Variants in GPBP1 observed in about 807,000 individuals in gnomAD.
GPBP1 encodes the protein GC-rich promoter binding protein 1.
A neutral mutation model predicts 56.5 loss-of-function variants in GPBP1; 13 were observed. The ratio of observed to expected loss-of-function variants is 0.23; its 90% CI spans 0.15 to 0.37. GPBP1 has a LOEUF of 0.37. Among genes scored for constraint, GPBP1 ranks in the 10% least tolerant of loss-of-function variants. The pLI, the probability that GPBP1 is intolerant of heterozygous loss-of-function variation, is 1.00. For missense variants in GPBP1, 477 were observed against 572.3 expected, an observed-to-expected ratio of 0.83 and a Z score of 1.70; for synonymous variants, 204 against 188.9, an observed-to-expected ratio of 1.08 and a Z score of -0.66.
intron 3 of GPBP1, among the ~76,000 whole-genome samples, chr5:57,219,531 A>G (rs1428987580): frequency 6.6e-6 from 1 of 151,836 alleles, no homozygotes; most frequent in African/African-American, 2.4e-5. Context: ...AGCCACTGAA[A>G]TCAATTCTTG....
At chr5:57,196,653 A>G (rs930003812) in intron 2 of GPBP1, among the ~76,000 whole-genome samples, 2 of 151,932 alleles carry the variant, frequency 1.3e-5, no homozygotes. Context: ...GATAAAGTGG[A>G]ACAATCAGGG....
rs766889191 is a variant in GPBP1, at chr5:57,236,074, G to C, written c.478+42G>C. 9.7e-6 allele frequency: 12 copies of C among 1,238,362 alleles called. No individual in the cohort carries two copies. In the East Asian group the frequency reaches 2.3e-4, roughly 24 times the overall value. 76.7% of individuals were successfully genotyped at this position (1,238,362 alleles called of 1,614,324 possible). ...CTATATTTGAGGGGCACAAAATGTTGATATTTATAGGTTTCACTTTTTGTG... is the reference window on the plus strand; with the variant it reads ...CTATATTTGAGGGGCACAAAATGTTCATATTTATAGGTTTCACTTTTTGTG... On this transcript the variant is annotated intron_variant, in intron 6 of 11. Transcript: ENST00000506184.
intron 5 of GPBP1, among the ~76,000 whole-genome samples, chr5:57,232,023 G>A (rs1005320215): frequency 1.3e-5 from 2 of 152,082 alleles, no homozygotes; most frequent in Admixed American, 1.3e-4. Context: ...GTATCAGGGT[G>A]GGGGGTGGTG....
chr5:57,221,347 T>A, intron 3 of GPBP1: 1 of 1,503,860 alleles, frequency 6.6e-7, no homozygotes, highest in Non-Finnish European at 9.0e-7. Flanking sequence ...ATAATGCCAA[T>A]TGTGACTGAT....
intron 2 of GPBP1, among the ~76,000 whole-genome samples, chr5:57,197,620 A>G (rs1754824141): frequency 1.3e-5 from 2 of 152,054 alleles, no homozygotes; most frequent in Admixed American, 6.5e-5. Context: ...CAGCCTCTCA[A>G]AGTGCTGGGA....
intron 2 of GPBP1, among the ~76,000 whole-genome samples, chr5:57,197,907 AGAGTTAG>A (rs1754837252): frequency 6.6e-6 from 1 of 151,906 alleles, no homozygotes; most frequent in African/African-American, 2.4e-5. Context: ...AAGTTGTTTG[AGAGTTAG>A]GTGTATGTGA....
At chr5:57,248,114 G>A (rs1741179617) in intron 8 of GPBP1, among the ~76,000 whole-genome samples, 1 of 152,084 alleles carries the variant, frequency 6.6e-6, no homozygotes, top group Non-Finnish European at 1.5e-5. Flanking sequence ...TAGTTACCTT[G>A]TAGGATTGAA....
intron 2 of GPBP1, among the ~76,000 whole-genome samples, chr5:57,184,850 A>C (rs1754215598): frequency 6.6e-6 from 1 of 152,190 alleles, no homozygotes; most frequent in Non-Finnish European, 1.5e-5. Context: ...ATTTTCCGGA[A>C]TGTCAAAGGA....
At chr5:57,215,214 C>A (rs895249779) in intron 3 of GPBP1, among the ~76,000 whole-genome samples, 2 of 152,190 alleles carry the variant, frequency 1.3e-5, no homozygotes, top group African/African-American at 4.8e-5. Flanking sequence ...CTAATTTGTT[C>A]ATAATTCCAT....
chr5:57,221,239 C>G, intron 3 of GPBP1: 2 of 591,892 alleles, frequency 3.4e-6, no homozygotes, highest in Non-Finnish European at 5.8e-6. Flanking sequence ...ATATTTTACA[C>G]AGTCTTTTCA....
At chr5:57,213,471 C>CTT (rs138933215) in intron 2 of GPBP1, among the ~76,000 whole-genome samples, 14 of 144,948 alleles carry the variant, frequency 9.7e-5, no homozygotes, top group South Asian at 2.2e-4. Context: ...TCATAATTTT[C>CTT]TTTTTTTTTT....
intron 5 of GPBP1, among the ~76,000 whole-genome samples, chr5:57,232,525 T>G (rs1756502567): frequency 6.6e-6 from 1 of 152,206 alleles, no homozygotes; most frequent in African/African-American, 2.4e-5. Context: ...TGGAGGTGTT[T>G]TTACCTTTAT....
At chr5:57,193,876 A>T (rs1233877054) in intron 2 of GPBP1, among the ~76,000 whole-genome samples, 3 of 152,238 alleles carry the variant, frequency 2.0e-5, no homozygotes, top group Non-Finnish European at 2.9e-5. Context: ...GAATTTATGC[A>T]CACAAATTAC....
chr5:57,235,553 CTT>C lies in GPBP1; in HGVS notation c.412-412_412-411del, dbSNP rs1756627365. On this transcript the variant is annotated intron_variant, in intron 5 of 11. Coordinates refer to ENST00000506184, the MANE Select transcript of GPBP1 (RefSeq NM_022913.4). ...ATGGATAAGGAAACTTAAACACACTCTTGTTTTCTCTGACCAGCAATTAGTAT... is the reference window on the plus strand; with the variant it reads ...ATGGATAAGGAAACTTAAACACACTCGTTTTCTCTGACCAGCAATTAGTAT... Among the ~76,000 whole-genome samples, 4 of 152,232 alleles carry C rather than the reference CTT, an allele frequency of 2.6e-5. No homozygotes were observed. In the South Asian group the frequency reaches 8.3e-4, roughly 32 times the overall value.
In GPBP1 at chr5:57,210,667, A is replaced by G. The variant is rs557552868; in HGVS notation, c.-57-3407A>G. 2.0e-3 allele frequency among the ~76,000 whole-genome samples: 305 copies of G among 152,348 alleles called. 2 individuals are homozygous for G. Among genetic ancestry groups the G allele is most frequent in the Non-Finnish European group, 3.1e-3 (213 of 68,038 alleles). ...TTGTTTGTAGTTTACTAGGGCTGCCATAACCAAATACCACAGACTGGGTGG... is the reference window on the plus strand; with the variant it reads ...TTGTTTGTAGTTTACTAGGGCTGCCGTAACCAAATACCACAGACTGGGTGG... On this transcript the variant is annotated intron_variant, in intron 2 of 11. Transcript: ENST00000506184.
At chr5:57,256,339 A>G (rs1350973068) in intron 10 of GPBP1, among the ~76,000 whole-genome samples, 1 of 152,148 alleles carries the variant, frequency 6.6e-6, no homozygotes, top group Non-Finnish European at 1.5e-5. Context: ...CCCATACTGC[A>G]TGAAGAGATA....
At chr5:57,217,963 T>C (rs1429577959) in intron 3 of GPBP1, among the ~76,000 whole-genome samples, 1 of 152,216 alleles carries the variant, frequency 6.6e-6, no homozygotes, top group Non-Finnish European at 1.5e-5. Context: ...AAATTTTTTA[T>C]AGTAATTTAT....
At chr5:57,181,207 C>T (rs897592164) in intron 2 of GPBP1, among the ~76,000 whole-genome samples, 4 of 152,040 alleles carry the variant, frequency 2.6e-5, no homozygotes, top group Admixed American at 1.3e-4. Context: ...TGGTGACATG[C>T]GCCTGTAGTC....
At chr5:57,193,449 C>T (rs1754613058) in intron 2 of GPBP1, among the ~76,000 whole-genome samples, 1 of 149,556 alleles carries the variant, frequency 6.7e-6, no homozygotes, top group African/African-American at 2.5e-5. Flanking sequence ...CCCATCTCCA[C>T]AAAAAAATAC....
Sources: gnomAD v4.1 joint callset for allele counts (sites outside exome capture counted in the v4.1 genomes callset) on GRCh38, gnomAD v4.1.1 for gene constraint, MANE v1.5 for transcripts, NCBI Gene and HGNC (gene_info 2026-07-23, HGNC 2026-07-21) for gene names.